Variants in DHX30 observed in about 807,000 individuals in gnomAD.
The protein encoded by DHX30 is ATP-dependent RNA helicase DHX30.
A neutral mutation model predicts 116.9 loss-of-function variants in DHX30; 4 were observed. That is an observed-to-expected ratio of 0.03 (90% confidence interval 0.02 to 0.08). The LOEUF (loss-of-function observed/expected upper bound fraction) is 0.08, where lower values mean the gene tolerates loss of function less well. DHX30 is among the 10% of genes least tolerant of loss of function. DHX30 has a pLI of 1.00. For missense variants in DHX30, 871 were observed against 1,595.1 expected (o/e 0.55, Z 7.73); for synonymous variants, 697 against 651.7 (o/e 1.07, Z -1.06).
At chr3:47,814,429 CAAAAAAAAA>C (rs71625837) in intron 3 of DHX30, among the ~76,000 whole-genome samples, 3 of 92,652 alleles carry the variant, frequency 3.2e-5, no homozygotes, top group Middle Eastern at 5.2e-3. Context: ...TGTCTCAAAA[CAAAAAAAAA>C]AAAAAAAAAA....
chr3:47,825,009 G>A (rs901795312), intron 4 of DHX30: 5 of 610,632 alleles, frequency 8.2e-6, no homozygotes, highest in African/African-American at 3.9e-5. Context: ...GGTCCCTGCC[G>A]CGCACAGGCC....
rs755951283 is a variant in DHX30 at position 47,849,757 on chromosome 3, G to A, written c.3319G>A (p.Val1107Met). The change falls in exon 21 of 22, where the codon GTG becomes ATG. Residue 1107 changes from valine (V) to methionine (M), a missense_variant. Coordinates refer to ENST00000445061, the MANE Select transcript of DHX30 (RefSeq NM_138615.3). Reference sequence around the variant, plus strand: ...TGTGCTGCTGCTGACCGACGGGGACGTGCACATCCGTGGTGGGTGCCTGCA... The same window carrying A: ...TGTGCTGCTGCTGACCGACGGGGACATGCACATCCGTGGTGGGTGCCTGCA... ...LAVLLLTDGDVHIRDDGRRAT... is the reference protein window; with the variant it reads ...LAVLLLTDGDMHIRDDGRRAT... The A allele has an allele frequency of 1.9e-6, 3 of 1,613,008 alleles. No homozygotes were observed. Among genetic ancestry groups the A allele is most frequent in the East Asian group, 2.2e-5 (1 of 44,866 alleles).
chr3:47,841,907 G>C, intron 8 of DHX30, 170 bp downstream of exon 8: 1 of 914,522 alleles, frequency 1.1e-6, no homozygotes, highest in South Asian at 1.6e-5. Context: ...TGATGGAATG[G>C]AGGTCAAGCC....
In DHX30 at chr3:47,833,136, T is replaced by C. The variant is rs554168619; in HGVS notation, c.366+4002T>C. ...AATGTGTACAGTATGGTGTTTCATA[T>C]TCACATACACTTTCATAAACACAGA... is the stretch of plus-strand genomic sequence containing the variant. On this transcript the variant is annotated intron_variant, in intron 6 of 21. Transcript: ENST00000445061. Among the ~76,000 whole-genome samples the C allele has an allele frequency of 2.0e-5, 3 of 152,194 alleles. No homozygotes were observed. In the East Asian group the frequency reaches 5.8e-4, roughly 29 times the overall value.
At position 47,848,979 on chromosome 3, in the gene DHX30, C is replaced by A. The variant is rs772530838; in HGVS notation, c.2829C>A (p.Val943=). 6.2e-7 allele frequency: 1 copy of A among 1,613,320 alleles called. No homozygotes were observed. The highest frequency in any genetic ancestry group is 8.5e-7 in the Non-Finnish European group (1 of 1,179,734). ...GSDHLAFVRA[V]AGWEEVLRWQ... ...ACCACCTGGCCTTTGTGCGGGCTGT[C>A]GCCGGCTGGGAGGAGGTGCTGCGTT... The change falls in exon 18 of 22, where the codon GTC becomes GTA. Residue 943 remains valine, a synonymous_variant. Transcript: ENST00000445061. The surrounding 1 kb of genome is among the most constrained non-coding windows in gnomAD (Gnocchi z 9.4).
chr3:47,850,127 C>T lies in DHX30; in HGVS notation c.*7C>T, dbSNP rs757310513. ...CAAGACAGCTGACGACTGAGCCCTG[C>T]TTCTGCTGGGGCTGTGTACAGAGTG... On this transcript the variant is annotated 3_prime_UTR_variant, in exon 22 of 22. Coordinates refer to ENST00000445061, the MANE Select transcript of DHX30 (RefSeq NM_138615.3). 1 of 1,581,284 alleles carries T rather than the reference C, an allele frequency of 6.3e-7. No individual in the cohort carries two copies. Among genetic ancestry groups the T allele is most frequent in the Middle Eastern group, 1.8e-4 (1 of 5,484 alleles).
intron 6 of DHX30, among the ~76,000 whole-genome samples, chr3:47,835,494 G>A (rs969117648): frequency 3.3e-5 from 5 of 151,232 alleles, no homozygotes; most frequent in African/African-American, 7.3e-5. Context: ...TAGTACAGAT[G>A]GGGTTTCACC....
chr3:47,840,991 C>T lies in DHX30; in HGVS notation c.481C>T (p.Pro161Ser), dbSNP rs373104892. 9 of 1,614,208 alleles carry T rather than the reference C, an allele frequency of 5.6e-6. No individual in the cohort carries two copies. Among genetic ancestry groups the T allele is most frequent in the East Asian group, 2.2e-5 (1 of 44,876 alleles). ...DSWWRPEPTM[P>S]PTSWRQLNPE... Reference sequence around the variant, plus strand: ...CTGGTGGCGTCCGGAACCCACCATGCCCCCTACTTCCTGGCGGCAGCTGAA... The same window carrying T: ...CTGGTGGCGTCCGGAACCCACCATGTCCCCTACTTCCTGGCGGCAGCTGAA... The change falls in exon 7 of 22, where the codon CCC (proline) becomes TCC (serine). Residue 161 changes from proline (P) to serine (S), a missense_variant. Transcript: ENST00000445061.
Position 47,849,654 on chromosome 3 carries a change from A to G in DHX30, c.3216A>G (p.Arg1072=). ...GGGAGGCCACACGGTTACGGAGCCG[A>G]TGGCTGACGTATTTCATGGCAGTCA... The part of the protein sequence containing the change: ...INREATRLRS[R]WLTYFMAVKS... Residue 1072 remains arginine (R), a synonymous_variant, in exon 21 of 22, where the codon CGA becomes CGG. Coordinates refer to ENST00000445061, the MANE Select transcript of DHX30 (RefSeq NM_138615.3). 1 of 1,614,178 alleles carries G rather than the reference A, an allele frequency of 6.2e-7. No homozygotes were observed. The highest frequency in any genetic ancestry group is 2.2e-5 in the East Asian group (1 of 44,878).
chr3:47,806,161 T>C (rs1169728004), intron 2 of DHX30, among the ~76,000 whole-genome samples: 4 of 87,142 alleles, frequency 4.6e-5, no homozygotes, highest in Admixed American at 1.2e-4. Flanking sequence ...TTTTTTTTTT[T>C]AGATGGGAGT....
At position 47,845,764 on chromosome 3, in the gene DHX30, T is replaced by G; in HGVS notation, c.1004T>G (p.Leu335Trp). The change falls in exon 10 of 22, where the codon TTG becomes TGG. Residue 335 changes from leucine (L) to tryptophan (W), a missense_variant. Physicochemically the swap from Leu to Trp is moderately conservative, Grantham distance 61. Around this residue, in one of 13 missense-constraint regions of DHX30, gnomAD observed 175 missense variants for 292.9 expected, o/e 0.60. Transcript: ENST00000445061. The stretch of plus-strand genomic sequence containing the variant: ...CACGCCATGTATAACCTGGCCTCTT[T>G]GCGTGAGCTGGGTGAGACCCAGCGC... ...LTHAMYNLAS[L>W]RELGETQRRP... 1.2e-6 allele frequency: 2 copies of G among 1,612,664 alleles called. No individual in the cohort carries two copies. Among genetic ancestry groups the G allele is most frequent in the Non-Finnish European group, 1.7e-6 (2 of 1,178,782 alleles).
At chr3:47,833,909 A>G (rs2036984353) in intron 6 of DHX30, among the ~76,000 whole-genome samples, 1 of 152,144 alleles carries the variant, frequency 6.6e-6, no homozygotes, top group Admixed American at 6.6e-5. Flanking sequence ...TTTATAATAC[A>G]GTATTATTAA....
rs780715407 is a variant in DHX30, at chr3:47,829,128, G to A, written c.360G>A (p.Leu120=). ...AGGCTGCAGCTGCAGCCTGCCAGCT[G>A]TTCAAGGTGACCCTTCCTCAGTGAA... ...ERQAAAAACQ[L]FKGWGLLGPR... The change falls in exon 6 of 22, where the codon CTG becomes CTA. Residue 120 remains leucine, a synonymous_variant. Transcript: ENST00000445061. 3 of 1,560,188 alleles carry A rather than the reference G, an allele frequency of 1.9e-6. No homozygotes were observed. Among genetic ancestry groups the A allele is most frequent in the South Asian group, 2.4e-5 (2 of 84,586 alleles).
At chr3:47,838,811 C>T (rs1023026870) in intron 6 of DHX30, among the ~76,000 whole-genome samples, 7 of 152,230 alleles carry the variant, frequency 4.6e-5, no homozygotes, top group African/African-American at 1.2e-4. Context: ...ATCTCACCCA[C>T]GTCTTTGTTC....
At chr3:47,833,587 C>T (rs903379532) in intron 6 of DHX30, among the ~76,000 whole-genome samples, 42 of 145,368 alleles carry the variant, frequency 2.9e-4, no homozygotes, top group African/African-American at 1.0e-3. Context: ...TACTCTTGGG[C>T]GCTGGCTCAT....
At chr3:47,812,592 A>G (rs2035850194) in intron 3 of DHX30, among the ~76,000 whole-genome samples, 1 of 151,440 alleles carries the variant, frequency 6.6e-6, no homozygotes, top group African/African-American at 2.4e-5. Context: ...GAATTTACTC[A>G]CTATCACAAG....
rs2035470645 is a variant in DHX30, at chr3:47,805,395, T to C, written c.-53T>C. On this transcript the variant is annotated 5_prime_UTR_variant, in exon 2 of 22. Coordinates refer to ENST00000445061, the MANE Select transcript of DHX30 (RefSeq NM_138615.3). ...AGCTCCAGTTCAAAAGCCTACAAAA[T>C]CTGAGACTGTCATTGCTTTTATAAG... 7.5e-6 allele frequency: 3 copies of C among 398,988 alleles called. No homozygotes were observed. The highest frequency in any genetic ancestry group is 1.3e-5 in the Non-Finnish European group (3 of 226,100). The allele number at this position is 398,988 out of a possible 1,614,324, so 24.7% of individuals were successfully genotyped here. A position where few individuals can be genotyped will look rare whatever the true frequency, so the allele number is the denominator to read the frequency against.
intron 9 of DHX30, among the ~76,000 whole-genome samples, chr3:47,843,743 G>A (rs2037478443): frequency 2.0e-5 from 3 of 152,162 alleles, no homozygotes; most frequent in African/African-American, 4.8e-5. Flanking sequence ...CTGTGGCCCA[G>A]GCTGGAGTAT....
At chr3:47,819,187 T>A in intron 4 of DHX30, 1 of 1,363,698 alleles carries the variant, frequency 7.3e-7, no homozygotes, top group Non-Finnish European at 9.8e-7. Context: ...AAACAAGAGT[T>A]GATTGCCCTT....
Sources: gnomAD v4.1 joint callset for allele counts (sites outside exome capture counted in the v4.1 genomes callset) on GRCh38, gnomAD v4.1.1 for gene constraint, gnomAD v4.1.1 regional missense constraint, Gnocchi (gnomAD v3.1) non-coding constraint, MANE v1.5 for transcripts, NCBI Gene and HGNC (gene_info 2026-07-23, HGNC 2026-07-21) for gene names.